JKAMP: variants seen among roughly 807,000 people sequenced by gnomAD.
JKAMP encodes the protein JNK1/MAPK8 associated membrane protein, also known as JNK1/MAPK8-associated membrane protein.
A neutral mutation model predicts 40.2 loss-of-function variants in JKAMP; 20 were observed. That is an observed-to-expected ratio of 0.50 (90% CI 0.35 to 0.72). The LOEUF (loss-of-function observed/expected upper bound fraction) is 0.72, where lower values mean the gene tolerates loss of function less well. JKAMP is among the 30% of genes least tolerant of loss of function. The probability of loss-of-function intolerance (pLI) is 0.01; values close to 1 mark genes in which losing one functional copy is unlikely to be tolerated. For missense variants in JKAMP, 276 were observed against 373.0 expected, an observed-to-expected ratio of 0.74 and a Z score of 2.14; for synonymous variants, 138 against 131.6, an observed-to-expected ratio of 1.05 and a Z score of -0.33.
chr14:59,502,196 G>A (rs879226936), intron 6 of JKAMP, among the ~76,000 whole-genome samples: 1 of 152,102 alleles, frequency 6.6e-6, no homozygotes, highest in Admixed American at 6.6e-5. Context: ...ATTAGTAACT[G>A]TTATACATAT....
chr14:59,501,859 A>T (rs189206502), intron 6 of JKAMP, among the ~76,000 whole-genome samples: 273 of 152,360 alleles, frequency 1.8e-3, no homozygotes, highest in Non-Finnish European at 3.1e-3. Flanking sequence ...GGCCACTATT[A>T]TAAAGAACTC....
chr14:59,484,732 G>T, intron 1 of JKAMP, 139 bp downstream of exon 1: 1 of 1,156,726 alleles, frequency 8.6e-7, no homozygotes, highest in South Asian at 1.4e-5. Context: ...CCCGCCCTCG[G>T]GCCGGGCTCC....
Position 59,487,719 on chromosome 14 carries a change from C to G in JKAMP, c.142C>G (p.Pro48Ala). ...QRTNAQKYCQ[P>A]CTESPELYDW... Reference sequence around the variant, plus strand: ...AACGAATGCACAGAAATATTGTCAGCCTTGCACAGAATCTCCTGAACTTTA... The same window carrying G: ...AACGAATGCACAGAAATATTGTCAGGCTTGCACAGAATCTCCTGAACTTTA... Residue 48 changes from proline (P) to alanine (A), a missense_variant, in exon 3 of 7, where the codon CCT (proline) becomes GCT (alanine). Transcript: ENST00000616435. 1 of 1,613,150 alleles carries G rather than the reference C, an allele frequency of 6.2e-7. No homozygotes were observed. The highest frequency in any genetic ancestry group is 8.5e-7 in the Non-Finnish European group (1 of 1,179,262).
At chr14:59,484,818 G>T in intron 1 of JKAMP, 2 of 945,408 alleles carry the variant, frequency 2.1e-6, no homozygotes, top group Non-Finnish European at 3.1e-6. Flanking sequence ...CGAAATGCCA[G>T]GTCTTTGTTG....
intron 2 of JKAMP, 67 bp downstream of exon 2, chr14:59,486,871 A>G (rs1890621234): frequency 5.4e-6 from 6 of 1,117,396 alleles, no homozygotes; most frequent in African/African-American, 4.7e-5. Flanking sequence ...ATTTTCACAT[A>G]CAACATTTTT....
chr14:59,496,996 A>AT (rs374179256), intron 4 of JKAMP, among the ~76,000 whole-genome samples: 21,400 of 138,162 alleles, frequency 0.15, 1,846 homozygotes, highest in Middle Eastern at 0.21. Flanking sequence ...AGTCATAGTA[A>AT]TTTTTTTTTT....
In JKAMP at chr14:59,501,173, C is replaced by T. The variant is rs1344233872; in HGVS notation, c.641-18C>T. The T allele has an allele frequency of 1.4e-6, 2 of 1,468,982 alleles. No individual in the cohort carries two copies. Among genetic ancestry groups the T allele is most frequent in the South Asian group, 1.2e-5 (1 of 83,462 alleles). The allele number at this position is 1,468,982 out of a possible 1,614,324, so 91.0% of individuals were successfully genotyped here. On this transcript the variant is annotated intron_variant, in intron 5 of 6. Transcript: ENST00000616435. ...AATTTGTTTCATTTCCAACATAATA[C>T]CAATGCTTATCTTTCAGATTACGCC...
In JKAMP at chr14:59,498,842, A is replaced by G. The variant is rs755395229; in HGVS notation, c.574A>G (p.Ile192Val). ...GLGKSDRFKS[I>V]YAALYFFPIL... ...AGGGAAATCTGATCGATTTAAAAGT[A>G]TTTATGCTGCACTTTACTTCTTCCC... The change falls in exon 5 of 7, where the codon ATT becomes GTT. Residue 192 changes from isoleucine to valine, a missense_variant. Ile to Val is a conservative substitution (Grantham distance 29). Transcript: ENST00000616435. The G allele has an allele frequency of 1.9e-6, 3 of 1,612,774 alleles. No individual in the cohort carries two copies. Among genetic ancestry groups the G allele is most frequent in the Non-Finnish European group, 1.7e-6 (2 of 1,179,268 alleles).
chr14:59,502,764 T>TGTTTTG (rs1261460995), intron 6 of JKAMP, among the ~76,000 whole-genome samples: 1 of 130,468 alleles, frequency 7.7e-6, no homozygotes, highest in Non-Finnish European at 1.6e-5. Flanking sequence ...TTTTTTTTTT[T>TGTTTTG]TTTTTTTTTC....
intron 3 of JKAMP, among the ~76,000 whole-genome samples, chr14:59,488,744 T>A (rs188425417): frequency 1.3e-5 from 2 of 152,340 alleles, no homozygotes; most frequent in South Asian, 2.1e-4. Flanking sequence ...TTTCCTACTT[T>A]AGGTTCTTTC....
At chr14:59,489,791 T>G (rs1890847878) in intron 3 of JKAMP, among the ~76,000 whole-genome samples, 1 of 152,076 alleles carries the variant, frequency 6.6e-6, no homozygotes, top group African/African-American at 2.4e-5. Flanking sequence ...TTGAGGAAGC[T>G]TACAATCATG....
rs567674601 is a variant in JKAMP, at chr14:59,494,204, AAAAT to A, written c.252-810_252-807del. 5.6e-3 allele frequency among the ~76,000 whole-genome samples: 852 copies of A among 152,226 alleles called. 5 individuals are homozygous for A. Among genetic ancestry groups the A allele is most frequent in the African/African-American group, 0.019 (806 of 41,500 alleles). The stretch of plus-strand genomic sequence containing the variant: ...ACATTTAAACTGCTAAGTAGAAAAA[AAAAT>A]AAAAGCCTGGTGTATTAAAATTTAG... On this transcript the variant is annotated intron_variant, in intron 3 of 6. Coordinates refer to ENST00000616435, the MANE Select transcript of JKAMP (RefSeq NM_016475.5).
chr14:59,494,274 G>C (rs748029732), intron 3 of JKAMP, among the ~76,000 whole-genome samples: 1 of 152,066 alleles, frequency 6.6e-6, no homozygotes, highest in Admixed American at 6.5e-5. Context: ...AGTGAAAATT[G>C]AGCCCACAAA....
chr14:59,491,836 TG>T lies in JKAMP; in HGVS notation c.252-3180del, dbSNP rs1046888226. Among the ~76,000 whole-genome samples the T allele has an allele frequency of 3.2e-4, 49 of 152,232 alleles. 1 individual carries two copies. Among genetic ancestry groups the T allele is most frequent in the Non-Finnish European group, 5.6e-4 (38 of 68,040 alleles). On this transcript the variant is annotated intron_variant, in intron 3 of 6. Transcript: ENST00000616435. ...AATTGCTGGTAGCAGCAGTGTTATC[TG>T]GATACTGAATCTTGGGTAGCCTCTG...
chr14:59,497,055 C>T (rs925605569), intron 4 of JKAMP, among the ~76,000 whole-genome samples: 1 of 150,688 alleles, frequency 6.6e-6, no homozygotes, highest in African/African-American at 2.4e-5. Flanking sequence ...TACCAGAAAC[C>T]TTTGGAACAC....
At chr14:59,487,373 A>G in intron 2 of JKAMP, 1 of 204,416 alleles carries the variant, frequency 4.9e-6, no homozygotes, top group East Asian at 1.1e-4. Flanking sequence ...GAACATCATG[A>G]ATCCAGAACA....
chr14:59,498,550 C>T (rs1594948018), intron 4 of JKAMP, among the ~76,000 whole-genome samples, 177 bp from the exon 5 acceptor site: 1 of 152,034 alleles, frequency 6.6e-6, no homozygotes, highest in East Asian at 1.9e-4. Context: ...ACCATTGTAC[C>T]CTTGCTAGCC....
At chr14:59,493,045 G>A (rs931384177) in intron 3 of JKAMP, among the ~76,000 whole-genome samples, 4 of 151,926 alleles carry the variant, frequency 2.6e-5, no homozygotes, top group East Asian at 1.9e-4. Context: ...TGATCCACCC[G>A]CCCCGGCCTC....
intron 5 of JKAMP, 161 bp from the exon 6 acceptor site, chr14:59,501,030 A>G (rs1891839400): frequency 1.8e-6 from 1 of 564,802 alleles, no homozygotes. Context: ...CCTTTCCAGA[A>G]AAAGCTTGCT....
Sources: allele counts gnomAD v4.1 joint callset (sites outside exome capture counted in the v4.1 genomes callset), GRCh38; gene constraint gnomAD v4.1.1; transcripts MANE v1.5; gene names NCBI Gene and HGNC (gene_info 2026-07-23, HGNC 2026-07-21).